The following CNTNAP2 variants were observed in gnomAD, a reference collection of about 807,000 sequenced individuals.
CNTNAP2 encodes contactin associated protein 2.
A neutral mutation model predicts 155.2 loss-of-function variants in CNTNAP2; 98 were observed. The observed-to-expected ratio is 0.63, with a 90% CI of 0.54 to 0.75. The LOEUF is 0.75. Among genes scored for constraint, CNTNAP2 ranks in the 30% least tolerant of loss-of-function variants. CNTNAP2 has a pLI of 0.00. For synonymous variants in CNTNAP2, 651 were observed against 631.2 expected (o/e 1.03, Z -0.47); for missense variants, 1,727 against 1,688.1 (o/e 1.02, Z -0.40).
intron 13 of CNTNAP2, among the ~76,000 whole-genome samples, chr7:147,876,020 T>C (rs1799414211): frequency 6.6e-6 from 1 of 152,232 alleles, no homozygotes; most frequent in Non-Finnish European, 1.5e-5. Flanking sequence ...ATCCTATCAC[T>C]GCAGAACTGA....
intron 8 of CNTNAP2, among the ~76,000 whole-genome samples, chr7:147,219,942 A>AT (rs34947567): frequency 0.19 from 23,157 of 122,884 alleles, 2,175 homozygotes; most frequent in Middle Eastern, 0.23. Context: ...CGCCCAGCTA[A>AT]TTTTTTTTTT....
chr7:146,156,013 A>G (rs957823175), intron 1 of CNTNAP2, among the ~76,000 whole-genome samples: 2 of 148,574 alleles, frequency 1.3e-5, no homozygotes, highest in Admixed American at 6.6e-5. Flanking sequence ...CGACAATATC[A>G]TTATTATAAA....
intron 1 of CNTNAP2, among the ~76,000 whole-genome samples, chr7:146,747,669 CATT>C (rs1215204207): frequency 5.9e-5 from 9 of 152,108 alleles, no homozygotes; most frequent in African/African-American, 2.2e-4. Context: ...GTACTTAAAA[CATT>C]AGTTAGGGCA....
In CNTNAP2 at chr7:147,982,740, A is replaced by G. The variant is rs538600748; in HGVS notation, c.2383+4751A>G. Reference sequence around the variant, plus strand: ...CCTTGACAGGAGAGATAAGATGGCCAGGCATGGTGGCTCACACCTGTAATC... The same window carrying G: ...CCTTGACAGGAGAGATAAGATGGCCGGGCATGGTGGCTCACACCTGTAATC... On this transcript the variant is annotated intron_variant, in intron 15 of 23. Transcript: ENST00000361727. Among the ~76,000 whole-genome samples, 16 of 152,274 alleles carry G rather than the reference A, an allele frequency of 1.1e-4. No individual in the cohort carries two copies. In the South Asian group the frequency reaches 3.3e-3, roughly 32 times the overall value.
rs1209363655 is a variant in CNTNAP2, at chr7:148,404,699, C to A, written c.3716-4692C>A. On this transcript the variant is annotated intron_variant, in intron 22 of 23. Transcript: ENST00000361727. ...TTGGAGACAGGGTGACAGACTTTTA[C>A]CCCCTGCCCTCTTGGTACCCAGGTC... is the stretch of plus-strand genomic sequence containing the variant. Among the ~76,000 whole-genome samples the A allele has an allele frequency of 2.6e-5, 4 of 152,114 alleles. No homozygotes were observed. The East Asian group carries it at 5.8e-4, about 22-fold the overall frequency.
chr7:148,041,630 C>T (rs1802677904), intron 15 of CNTNAP2, among the ~76,000 whole-genome samples: 1 of 152,202 alleles, frequency 6.6e-6, no homozygotes, highest in Non-Finnish European at 1.5e-5. Context: ...TATAGCTCCA[C>T]AAAGTTCATG....
At chr7:146,537,758 G>A (rs1797891519) in intron 1 of CNTNAP2, among the ~76,000 whole-genome samples, 2 of 152,102 alleles carry the variant, frequency 1.3e-5, no homozygotes, top group South Asian at 4.1e-4. Flanking sequence ...AAGTGCCTGA[G>A]GTAGGCATTC....
chr7:147,701,296 G>A (rs935549801), intron 13 of CNTNAP2, among the ~76,000 whole-genome samples: 2 of 152,104 alleles, frequency 1.3e-5, no homozygotes, highest in African/African-American at 4.8e-5. Flanking sequence ...TCAGTTTCAT[G>A]TTTCTGGGTG....
intron 4 of CNTNAP2, among the ~76,000 whole-genome samples, chr7:147,070,025 A>G (rs988144494): frequency 6.6e-6 from 1 of 152,238 alleles, no homozygotes; most frequent in South Asian, 2.1e-4. Context: ...TTGGCTATAA[A>G]TAAGACCTGT....
intron 16 of CNTNAP2, among the ~76,000 whole-genome samples, chr7:148,136,600 A>G (rs1394570158): frequency 6.6e-6 from 1 of 152,208 alleles, no homozygotes; most frequent in Non-Finnish European, 1.5e-5. Flanking sequence ...GCAAGGCAAA[A>G]TGGACTAGAA....
At chr7:146,994,099 A>G (rs565295717) in intron 3 of CNTNAP2, among the ~76,000 whole-genome samples, 12 of 152,326 alleles carry the variant, frequency 7.9e-5, no homozygotes, top group African/African-American at 2.6e-4. Context: ...AATACATAAT[A>G]CAGCATCAAA....
chr7:148,108,079 C>G (rs547353180), intron 15 of CNTNAP2, among the ~76,000 whole-genome samples: 1 of 152,206 alleles, frequency 6.6e-6, no homozygotes, highest in African/African-American at 2.4e-5. Context: ...TTCCTAATTC[C>G]CCATCTCCCC....
At chr7:147,374,800 G>A (rs1369071000) in intron 9 of CNTNAP2, among the ~76,000 whole-genome samples, 2 of 151,884 alleles carry the variant, frequency 1.3e-5, no homozygotes, top group Non-Finnish European at 2.9e-5. Context: ...TTTTTGTCAC[G>A]TCATTTTCCT....
At chr7:147,481,153 T>A (rs1798416176) in intron 10 of CNTNAP2, among the ~76,000 whole-genome samples, 2 of 152,216 alleles carry the variant, frequency 1.3e-5, no homozygotes, top group African/African-American at 4.8e-5. Context: ...GACATTTTAT[T>A]TTAAAATGTC....
At chr7:146,178,094 C>G (rs949395707) in intron 1 of CNTNAP2, among the ~76,000 whole-genome samples, 4 of 152,024 alleles carry the variant, frequency 2.6e-5, no homozygotes, top group Non-Finnish European at 2.9e-5. Context: ...AGTGTAGTGA[C>G]GTGATCTCGG....
intron 11 of CNTNAP2, among the ~76,000 whole-genome samples, chr7:147,561,061 C>T (rs933658684): frequency 6.6e-6 from 1 of 151,942 alleles, no homozygotes; most frequent in East Asian, 1.9e-4. Flanking sequence ...CATAGCCAGG[C>T]TGGAAATCCA....
At chr7:148,351,307 C>T (rs1256731422) in intron 21 of CNTNAP2, among the ~76,000 whole-genome samples, 1 of 151,974 alleles carries the variant, frequency 6.6e-6, no homozygotes, top group Non-Finnish European at 1.5e-5. Context: ...TCCTCAAGGA[C>T]ACGGCACTTA....
chr7:146,216,511 A>G (rs1799115917), intron 1 of CNTNAP2, among the ~76,000 whole-genome samples: 1 of 152,118 alleles, frequency 6.6e-6, no homozygotes, highest in Non-Finnish European at 1.5e-5. Flanking sequence ...CCCCGAAGCC[A>G]ATGTTTCAGA....
chr7:147,376,449 A>G (rs1174212898), intron 9 of CNTNAP2, among the ~76,000 whole-genome samples: 1 of 151,944 alleles, frequency 6.6e-6, no homozygotes, highest in African/African-American at 2.4e-5. Flanking sequence ...AATGTTATCT[A>G]TTTGAACACT....
Sources: allele counts gnomAD v4.1 joint callset (sites outside exome capture counted in the v4.1 genomes callset), GRCh38; gene constraint gnomAD v4.1.1; transcripts MANE v1.5; gene names NCBI Gene and HGNC (gene_info 2026-07-23, HGNC 2026-07-21).